The following POLA1 variants were observed in gnomAD, a reference collection of about 807,000 sequenced individuals.
POLA1 encodes DNA polymerase alpha 1, catalytic subunit, also known as DNA polymerase alpha catalytic subunit.
A neutral mutation model predicts 124.0 loss-of-function variants in POLA1; 15 were observed. The ratio of observed to expected loss-of-function variants is 0.12; its 90% CI spans 0.08 to 0.19. The LOEUF (loss-of-function observed/expected upper bound fraction) is 0.19. Ranked by LOEUF, POLA1 falls within the 10% of genes least tolerant of loss-of-function variation. POLA1 has a pLI of 1.00. For missense variants in POLA1, 886 were observed against 1,103.4 expected, an observed-to-expected ratio of 0.80 and a Z score of 2.79; for synonymous variants, 408 against 389.4, an observed-to-expected ratio of 1.05 and a Z score of -0.56.
At chrX:24,882,641 C>G (rs1345247436) in intron 34 of POLA1, among the ~76,000 whole-genome samples, 1 of 109,207 alleles carries the variant, frequency 9.2e-6, no homozygotes, top group Non-Finnish European at 1.9e-5. Context: ...CTGCAAAGAA[C>G]ATGATCTCAT....
chrX:24,732,591 T>G (rs915864192), intron 16 of POLA1, 137 bp downstream of exon 16: 2 of 330,237 alleles, frequency 6.1e-6, no homozygotes, highest in East Asian at 4.8e-5. Context: ...AGGGTTTTGT[T>G]TTTTTTTGTT....
intron 35 of POLA1, among the ~76,000 whole-genome samples, chrX:24,922,750 A>G (rs1429533760): frequency 9.0e-6 from 1 of 111,451 alleles, no homozygotes; most frequent in Non-Finnish European, 1.9e-5. Context: ...CTATTAATAA[A>G]TCTGAACTTG....
intron 26 of POLA1, among the ~76,000 whole-genome samples, chrX:24,773,123 T>G (rs1485265105): frequency 8.9e-6 from 1 of 112,546 alleles, no homozygotes; most frequent in Non-Finnish European, 1.9e-5. Flanking sequence ...ATAAGTTTAC[T>G]AAACAAAGAT....
At chrX:24,896,466 TTTTG>T (rs1412113680) in intron 35 of POLA1, among the ~76,000 whole-genome samples, 2 of 106,517 alleles carry the variant, frequency 1.9e-5, no homozygotes, top group African/African-American at 7.3e-5. Context: ...GTTTTTGGGT[TTTTG>T]TTTTGTTTTG....
At chrX:24,787,036 G>A in intron 26 of POLA1, among the ~76,000 whole-genome samples, 1 of 110,704 alleles carries the variant, frequency 9.0e-6, no homozygotes, top group East Asian at 2.8e-4. Context: ...TTAGCCTCCT[G>A]AGTGGCTGGG....
At chrX:24,979,635 CT>C (rs1200211470) in intron 36 of POLA1, among the ~76,000 whole-genome samples, 1 of 112,315 alleles carries the variant, frequency 8.9e-6, no homozygotes, top group Non-Finnish European at 1.9e-5. Flanking sequence ...CTACTGTCCA[CT>C]TTCTCCTCAT....
At chrX:24,778,724 T>C (rs1286317623) in intron 26 of POLA1, among the ~76,000 whole-genome samples, 2 of 111,992 alleles carry the variant, frequency 1.8e-5, no homozygotes, top group Admixed American at 9.4e-5. Flanking sequence ...CCCTGTGATA[T>C]TATTTTTCCT....
At chrX:24,905,377 A>T (rs1783638048) in intron 35 of POLA1, among the ~76,000 whole-genome samples, 1 of 91,958 alleles carries the variant, frequency 1.1e-5, no homozygotes, top group African/African-American at 3.9e-5. Flanking sequence ...GAACCAGGAA[A>T]ATCCTATAAG....
chrX:24,724,129 T>C (rs1930386345), intron 11 of POLA1, among the ~76,000 whole-genome samples: 1 of 112,663 alleles, frequency 8.9e-6, no homozygotes, highest in African/African-American at 3.2e-5. Flanking sequence ...ATTTGTTTTT[T>C]ATGATGCCAT....
chrX:24,994,443 C>T (rs1254567885), intron 36 of POLA1, among the ~76,000 whole-genome samples: 5 of 112,564 alleles, frequency 4.4e-5, no homozygotes, highest in African/African-American at 1.3e-4. Context: ...CTCTCCCCTC[C>T]GTGTTTCCTT....
chrX:24,796,365 C>A (rs748542763), intron 26 of POLA1, among the ~76,000 whole-genome samples: 11 of 111,578 alleles, frequency 9.9e-5, no homozygotes, highest in Non-Finnish European at 2.1e-4. Flanking sequence ...GGATCATTCT[C>A]ATTAAAGGTC....
intron 4 of POLA1, among the ~76,000 whole-genome samples, chrX:24,706,413 TG>T (rs1225145219): frequency 8.9e-6 from 1 of 111,857 alleles, no homozygotes; most frequent in Non-Finnish European, 1.9e-5. Flanking sequence ...TTCCTTTTAG[TG>T]GGGAATGGTA....
rs771345890 is a variant in POLA1 at position 24,717,438 on chromosome X, A to G, written c.855A>G (p.Pro285=). ...AGGCTTGGGACAAAGAGAGTGAGCC[A>G]GCAGAGGAAGTGAAACAAGAGGCGG... ...AAKAWDKESE[P]AEEVKQEADS... The change falls in exon 9 of 37, where the codon CCA becomes CCG. Residue 285 remains proline, a synonymous_variant. Coordinates refer to ENST00000379068, the MANE Select transcript of POLA1 (RefSeq NM_001330360.2). 15 of 1,210,196 alleles carry G rather than the reference A, an allele frequency of 1.2e-5. No homozygotes were observed. The highest frequency in any genetic ancestry group is 1.7e-5 in the Non-Finnish European group (15 of 895,240).
intron 26 of POLA1, among the ~76,000 whole-genome samples, chrX:24,765,284 T>C (rs771643869): frequency 9.4e-6 from 1 of 106,762 alleles, no homozygotes; most frequent in South Asian, 4.2e-4. Context: ...GTGCGTGGTG[T>C]TTTTTTTGTT....
chrX:24,826,348 G>A, intron 31 of POLA1, 79 bp from the exon 32 acceptor site: 1 of 688,230 alleles, frequency 1.5e-6, no homozygotes, highest in Non-Finnish European at 2.1e-6. Context: ...GTTTGACCAA[G>A]CAAGTGTCTG....
chrX:24,858,990 C>T (rs570399247), intron 34 of POLA1, among the ~76,000 whole-genome samples: 157 of 111,657 alleles, frequency 1.4e-3, no homozygotes, highest in South Asian at 3.4e-3. Flanking sequence ...GTATTCAGAG[C>T]AATACCCTCC....
intron 26 of POLA1, among the ~76,000 whole-genome samples, chrX:24,791,970 C>CAA (rs1310809690): frequency 8.9e-6 from 1 of 111,785 alleles, no homozygotes; most frequent in African/African-American, 3.2e-5. Context: ...AATGTTTACT[C>CAA]AAAAAAGTTG....
chrX:24,765,971 C>CT (rs1365086307), intron 26 of POLA1, among the ~76,000 whole-genome samples: 1 of 111,854 alleles, frequency 8.9e-6, no homozygotes, highest in African/African-American at 3.3e-5. Flanking sequence ...CAGTTTGCAA[C>CT]TTTTTTCACT....
At chrX:24,802,977 C>T (rs1193114828) in intron 26 of POLA1, among the ~76,000 whole-genome samples, 3 of 110,843 alleles carry the variant, frequency 2.7e-5, no homozygotes, top group Non-Finnish European at 5.7e-5. Flanking sequence ...CCAGCCTGGG[C>T]GACAGAGCAA....
Sources: gnomAD v4.1 joint callset for allele counts (sites outside exome capture counted in the v4.1 genomes callset) on GRCh38, gnomAD v4.1.1 for gene constraint, MANE v1.5 for transcripts, NCBI Gene and HGNC (gene_info 2026-07-23, HGNC 2026-07-21) for gene names.